Variants in SKOR2 observed in about 807,000 individuals in gnomAD.
SKOR2 encodes SKI family transcriptional corepressor 2.
In SKOR2, 47 loss-of-function variants were observed where a neutral mutation model predicts 69.1. That is an observed-to-expected ratio of 0.68 (90% CI 0.54 to 0.87). SKOR2 has a LOEUF of 0.87. Among genes scored for constraint, SKOR2 ranks in the 40% least tolerant of loss-of-function variants. The probability of loss-of-function intolerance (pLI) is 0.00; values close to 1 mark genes in which losing one functional copy is unlikely to be tolerated. For missense variants in SKOR2, 1,404 were observed against 1,472.2 expected (o/e 0.95, Z 0.76); for synonymous variants, 717 against 672.6 (o/e 1.07, Z -1.02).
intron 4 of SKOR2, among the ~76,000 whole-genome samples, chr18:47,242,176 A>G (rs2064252025): frequency 6.6e-6 from 1 of 152,128 alleles, no homozygotes. Context: ...GGGAAAACAA[A>G]CCCCTCTTAA....
intron 8 of SKOR2, 136 bp from the exon 9 acceptor site, chr18:47,207,028 G>C (rs772210416): frequency 1.3e-5 from 2 of 152,150 alleles, no homozygotes; most frequent in Non-Finnish European, 2.9e-5. Flanking sequence ...ATATATCTCT[G>C]ATGATATCAA....
Position 47,247,162 on chromosome 18 carries a change from C to A in SKOR2, c.2022G>T (p.Ser674=). 1 of 1,104,018 alleles carries A rather than the reference C, an allele frequency of 9.1e-7. No individual in the cohort carries two copies. The highest frequency in any genetic ancestry group is 3.2e-5 in the South Asian group (1 of 30,972). 68.4% of individuals were successfully genotyped at this position (1,104,018 alleles called of 1,614,324 possible). ...HHHHHPPQPP[S]PLLLLPPQPD... is the part of the protein sequence containing the mutation. Reference sequence around the variant, plus strand: ...GCTGCGGGGGCAGCAGCAGAAGCGGCGACGGCGGCTGCGGGGGGTGGTGGT... The same window carrying A: ...GCTGCGGGGGCAGCAGCAGAAGCGGAGACGGCGGCTGCGGGGGGTGGTGGT... The change falls in exon 2 of 9, where the codon TCG becomes TCT. Residue 674 remains serine, a synonymous_variant. Coordinates refer to ENST00000425639, the MANE Select transcript of SKOR2 (RefSeq NM_001278063.4). The surrounding 1 kb of genome is among the most constrained non-coding windows in gnomAD (Gnocchi z 6.6).
chr18:47,247,565 G>A lies in SKOR2; in HGVS notation c.1619C>T (p.Pro540Leu). The change falls in exon 2 of 9, where the codon CCG (proline) becomes CTG (leucine). Residue 540 changes from proline to leucine, a missense_variant. Pro to Leu is a moderately conservative substitution (Grantham distance 98, BLOSUM62 -3). Coordinates refer to ENST00000425639, the MANE Select transcript of SKOR2 (RefSeq NM_001278063.4). This position sits in a 1 kb window ranked among gnomAD's most constrained non-coding sequence, Gnocchi z 6.6. The stretch of plus-strand genomic sequence containing the variant: ...GGCAGGAGGAGGTGGGCCGGAGCCC[G>A]GGCCGTTGGCCACTACCTGCGGGGG... The part of the protein sequence containing the change: ...GQPPQVVANG[P>L]GSGPPPPAGG... 2 of 1,239,112 alleles carry A rather than the reference G, an allele frequency of 1.6e-6. No homozygotes were observed. Among genetic ancestry groups the A allele is most frequent in the Non-Finnish European group, 2.0e-6 (2 of 992,376 alleles). 76.8% of individuals were successfully genotyped at this position (1,239,112 alleles called of 1,614,324 possible). A position where few individuals can be genotyped will look rare whatever the true frequency, so the allele number is the denominator to read the frequency against.
intron 4 of SKOR2, among the ~76,000 whole-genome samples, chr18:47,243,645 G>A (rs2064258669): frequency 6.6e-6 from 1 of 152,084 alleles, no homozygotes; most frequent in Admixed American, 6.5e-5. Flanking sequence ...TTGCCTTTGT[G>A]ACTTTAGAGT....
At chr18:47,207,271 A>C (rs543045943) in intron 8 of SKOR2, among the ~76,000 whole-genome samples, 68 of 152,264 alleles carry the variant, frequency 4.5e-4, no homozygotes, top group South Asian at 1.5e-3. Flanking sequence ...TAGAAGTATG[A>C]GTGGAGGTTT....
At position 47,248,634 on chromosome 18, in the gene SKOR2, T is replaced by G; in HGVS notation, c.550A>C (p.Asn184His). The G allele has an allele frequency of 6.4e-7, 1 of 1,557,702 alleles. No individual in the cohort carries two copies. The highest frequency in any genetic ancestry group is 8.6e-7 in the Non-Finnish European group (1 of 1,157,008). Residue 184 changes from asparagine to histidine, a missense_variant, in exon 2 of 9, where the codon AAC (asparagine) becomes CAC (histidine). Transcript: ENST00000425639. This position sits in a 1 kb window ranked among gnomAD's most constrained non-coding sequence, Gnocchi z 6.4. The stretch of plus-strand genomic sequence containing the variant: ...CGGTGGGAGTGGAAAATGAACTTGT[T>G]GGGCGAGAAGTACATGTTGCAGTAG... The part of the protein sequence containing the change: ...CSYCNMYFSP[N>H]KFIFHSHRTP...
rs1436465975 is a variant in SKOR2, at chr18:47,219,925, A to G, written c.2985+18T>C. 1.3e-6 allele frequency: 2 copies of G among 1,533,608 alleles called. No homozygotes were observed. The highest frequency in any genetic ancestry group is 4.9e-5 in the East Asian group (2 of 40,844). ...ACCAATTAAGTTGCATTTATTTTTA[A>G]GTAGAAATGCAGCTTACAATTTGTA... On this transcript the variant is annotated intron_variant, in intron 7 of 8. Coordinates refer to ENST00000425639, the MANE Select transcript of SKOR2 (RefSeq NM_001278063.4).
At chr18:47,222,763 G>C (rs2064165876) in intron 6 of SKOR2, among the ~76,000 whole-genome samples, 1 of 152,222 alleles carries the variant, frequency 6.6e-6, no homozygotes, top group Non-Finnish European at 1.5e-5. Context: ...CCAGGCTGGA[G>C]CACTTCCCTG....
intron 1 of SKOR2, 60 bp from the exon 2 acceptor site, chr18:47,249,290 G>T: frequency 7.5e-7 from 1 of 1,334,838 alleles, no homozygotes. Flanking sequence ...AGAGGGGTGG[G>T]ATGAATCGCT....
Position 47,219,046 on chromosome 18 carries a change from T to A in SKOR2, c.2985+897A>T, listed in dbSNP as rs560703271. Among the ~76,000 whole-genome samples, 42 of 152,318 alleles carry A rather than the reference T, an allele frequency of 2.8e-4. 1 individual carries two copies. The South Asian group carries it at 8.3e-3, about 30-fold the overall frequency. On this transcript the variant is annotated intron_variant, in intron 7 of 8. Transcript: ENST00000425639. ...ATAATCCTGACAAAGGAACTAGATA[T>A]CTGGCTCTGTAGACAAGACAGGCAC... is the stretch of plus-strand genomic sequence containing the variant.
chr18:47,207,266 G>C (rs146594930), intron 8 of SKOR2, among the ~76,000 whole-genome samples: 1 of 152,276 alleles, frequency 6.6e-6, no homozygotes, highest in Non-Finnish European at 1.5e-5. Context: ...CAACATAGAA[G>C]TATGAGTGGA....
chr18:47,230,319 T>C, intron 6 of SKOR2, 140 bp downstream of exon 6: 1 of 516,272 alleles, frequency 1.9e-6, no homozygotes, highest in Non-Finnish European at 3.0e-6. Flanking sequence ...AAAACTAAAA[T>C]TTATGAATAT....
At chr18:47,235,395 G>A (rs751549328) in intron 4 of SKOR2, among the ~76,000 whole-genome samples, 1 of 152,148 alleles carries the variant, frequency 6.6e-6, no homozygotes, top group Non-Finnish European at 1.5e-5. Flanking sequence ...AAAAGCTGCT[G>A]CTTAGGAAGG....
At chr18:47,220,032 G>A in intron 6 of SKOR2, 22 bp from the exon 7 acceptor site, 1 of 1,525,220 alleles carries the variant, frequency 6.6e-7, no homozygotes, top group Non-Finnish European at 8.8e-7. Context: ...GAGAGATAGA[G>A]AAAGATTAAC....
chr18:47,220,017 GGAGA>G lies in SKOR2; in HGVS notation c.2918-11_2918-8del, dbSNP rs779584397. The G allele has an allele frequency of 1.8e-5, 27 of 1,533,046 alleles. No homozygotes were observed. Among genetic ancestry groups the G allele is most frequent in the Non-Finnish European group, 2.4e-5 (27 of 1,144,956 alleles). The allele number at this position is 1,533,046 out of a possible 1,614,324, so 95.0% of individuals were successfully genotyped here. On this transcript the variant is annotated splice_region_variant and splice_polypyrimidine_tract_variant and intron_variant, in intron 6 of 8. Transcript: ENST00000425639. ...ATCTGATCCTGAAAATTATCTGGTAGGAGAGAGAGATAGAGAAAGATTAACTAAA... is the reference window on the plus strand; with the variant it reads ...ATCTGATCCTGAAAATTATCTGGTAGGAGAGATAGAGAAAGATTAACTAAA...
In SKOR2 at chr18:47,246,987, C is replaced by T. The variant is rs1462904464; in HGVS notation, c.2197G>A (p.Glu733Lys). The change falls in exon 2 of 9, where the codon GAG becomes AAG. Residue 733 changes from glutamate to lysine, a missense_variant. Physicochemically the swap from Glu to Lys is moderately conservative, Grantham distance 56 (BLOSUM62 1). Transcript: ENST00000425639. ...SCCYPSEDSSEDEDDEEEEQE... is the reference protein window; with the variant it reads ...SCCYPSEDSSKDEDDEEEEQE... ...TCTTCTTCCTCGTCGTCCTCGTCCT[C>T]GGAGCTGTCCTCGCTGGGGTAGCAG... 6.7e-7 allele frequency: 1 copy of T among 1,497,866 alleles called. No homozygotes were observed. The highest frequency in any genetic ancestry group is 8.8e-7 in the Non-Finnish European group (1 of 1,129,992). The allele number at this position is 1,497,866 out of a possible 1,614,324, so 92.8% of individuals were successfully genotyped here.
chr18:47,247,235 G>A lies in SKOR2; in HGVS notation c.1949C>T (p.Ala650Val). 6.8e-7 allele frequency: 1 copy of A among 1,466,580 alleles called. No individual in the cohort carries two copies. The allele number at this position is 1,466,580 out of a possible 1,614,324, so 90.8% of individuals were successfully genotyped here. Residue 650 changes from alanine to valine, a missense_variant, in exon 2 of 9, where the codon GCC becomes GTC. Around this residue, in one of 3 missense-constraint regions of SKOR2, gnomAD observed 1,266 missense variants for 1,309.9 expected, o/e 0.97. Transcript: ENST00000425639. The surrounding 1 kb of genome is among the most constrained non-coding windows in gnomAD (Gnocchi z 6.6). ...HGASAGAPHS[A>V]QTHPHHHHHP... ...GTGATGGTGGTGGGGATGCGTCTGG[G>A]CCGAGTGGGGCGCGCCCGCCGACGC...
In SKOR2 at chr18:47,251,630, A is replaced by G. The variant is rs2064313389; in HGVS notation, c.-304T>C. ...AGAAACCCGCGGCAGGAGAGCCCCA[A>G]GTGGAGCGCAGTCTGACAGCGTCTG... On this transcript the variant is annotated 5_prime_UTR_variant, in exon 1 of 9. Coordinates refer to ENST00000425639, the MANE Select transcript of SKOR2 (RefSeq NM_001278063.4). The G allele has an allele frequency of 6.6e-6, 1 of 152,154 alleles. No individual in the cohort carries two copies. The highest frequency in any genetic ancestry group is 2.1e-4 in the South Asian group (1 of 4,814). 9.4% of individuals were successfully genotyped at this position (152,154 alleles called of 1,614,324 possible).
Position 47,247,084 on chromosome 18 carries a change from C to T in SKOR2, c.2100G>A (p.Pro700=). 2.3e-6 allele frequency: 2 copies of T among 861,138 alleles called. No homozygotes were observed. The highest frequency in any genetic ancestry group is 1.5e-6 in the Non-Finnish European group (1 of 675,694). The allele number at this position is 861,138 out of a possible 1,614,324, so 53.3% of individuals were successfully genotyped here. The stretch of plus-strand genomic sequence containing the variant: ...GGGCCAGAGGGGGCGGCGGGGGCGG[C>T]GGCGGCGGCGGCGGCGGGGCCGGGT... ...RHHPAPPPPP[P]PPPPPPLAQH... Residue 700 remains proline, a synonymous_variant, in exon 2 of 9, where the codon CCG becomes CCA. Transcript: ENST00000425639. This position sits in a 1 kb window ranked among gnomAD's most constrained non-coding sequence, Gnocchi z 6.6.
Sources: gnomAD v4.1 joint callset for allele counts (sites outside exome capture counted in the v4.1 genomes callset) on GRCh38, gnomAD v4.1.1 for gene constraint, gnomAD v4.1.1 regional missense constraint, Gnocchi (gnomAD v3.1) non-coding constraint, MANE v1.5 for transcripts, NCBI Gene and HGNC (gene_info 2026-07-23, HGNC 2026-07-21) for gene names.